The following TWSG1 variants were observed in gnomAD, a reference collection of about 807,000 sequenced individuals.
TWSG1 encodes twisted gastrulation protein homolog 1.
Under a neutral mutation model 23.0 loss-of-function variants are expected in TWSG1, and 15 were observed. The ratio of observed to expected loss-of-function variants is 0.65; its 90% CI spans 0.44 to 1.00. TWSG1 has a LOEUF of 1.00. Ranked by LOEUF, TWSG1 falls within the 50% of genes least tolerant of loss-of-function variation. The pLI is 0.00. For missense variants in TWSG1, 242 were observed against 278.7 expected (o/e 0.87, Z 0.94); for synonymous variants, 86 against 92.8 (o/e 0.93, Z 0.42).
intron 2 of TWSG1, among the ~76,000 whole-genome samples, chr18:9,350,822 T>G (rs567764875): frequency 6.6e-6 from 1 of 152,308 alleles, no homozygotes; most frequent in African/African-American, 2.4e-5. Flanking sequence ...GGTTTGAAGA[T>G]TCATGTGATG....
intron 3 of TWSG1, among the ~76,000 whole-genome samples, chr18:9,371,356 G>A (rs1303109969): frequency 6.6e-6 from 1 of 150,956 alleles, no homozygotes; most frequent in Non-Finnish European, 1.5e-5. Context: ...GAGTGCAATG[G>A]TGTGATCTTG....
chr18:9,355,583 A>T (rs756024874), intron 2 of TWSG1, among the ~76,000 whole-genome samples: 1 of 152,206 alleles, frequency 6.6e-6, no homozygotes, highest in Non-Finnish European at 1.5e-5. Flanking sequence ...TAAAACTGCT[A>T]TTTATAATTA....
At chr18:9,372,117 G>A (rs771704735) in intron 3 of TWSG1, among the ~76,000 whole-genome samples, 1 of 150,210 alleles carries the variant, frequency 6.7e-6, no homozygotes, top group Non-Finnish European at 1.5e-5. Flanking sequence ...CAAAATAATA[G>A]CAACAATGTA....
rs191836746 is a variant in TWSG1 at position 9,370,046 on chromosome 18, G to A, written c.223+9975G>A. ...CCAAAGAATCATTGTCCAGCCAGGC[G>A]CAGTGGTTCACACCTGTAATACCAG... On this transcript the variant is annotated intron_variant, in intron 3 of 4. Coordinates refer to ENST00000262120, the MANE Select transcript of TWSG1 (RefSeq NM_020648.6). 1.6e-3 allele frequency among the ~76,000 whole-genome samples: 249 copies of A among 152,194 alleles called. 2 individuals carry two copies. The highest frequency in any genetic ancestry group is 5.2e-3 in the African/African-American group (217 of 41,526).
At chr18:9,365,498 C>T (rs2040574036) in intron 3 of TWSG1, among the ~76,000 whole-genome samples, 1 of 151,842 alleles carries the variant, frequency 6.6e-6, no homozygotes, top group South Asian at 2.1e-4. Context: ...AAAACCCCGT[C>T]TCTACAAAAA....
chr18:9,356,970 C>T (rs1217565069), intron 2 of TWSG1, among the ~76,000 whole-genome samples: 2 of 71,136 alleles, frequency 2.8e-5, no homozygotes, highest in South Asian at 5.4e-4. Flanking sequence ...CTTTATAAAT[C>T]TAAAAAAAAA....
chr18:9,343,598 A>G (rs2040457947), intron 2 of TWSG1, among the ~76,000 whole-genome samples: 1 of 152,080 alleles, frequency 6.6e-6, no homozygotes, highest in African/African-American at 2.4e-5. Context: ...CTCTCCCCAC[A>G]AACCCTAGGC....
At chr18:9,381,027 G>A (rs1466448888) in intron 3 of TWSG1, among the ~76,000 whole-genome samples, 1 of 152,118 alleles carries the variant, frequency 6.6e-6, no homozygotes, top group African/African-American at 2.4e-5. Flanking sequence ...TTCAGAAAAA[G>A]ACAATTATAA....
At position 9,337,243 on chromosome 18, in the gene TWSG1, A is replaced by G. The variant is rs1427676614; in HGVS notation, c.14A>G (p.Tyr5Cys). The change falls in exon 2 of 5, where the codon TAT (tyrosine) becomes TGT (cysteine). Residue 5 changes from tyrosine (Y) to cysteine (C), a missense_variant. Coordinates refer to ENST00000262120, the MANE Select transcript of TWSG1 (RefSeq NM_020648.6). MKLH[Y>C]VAVLTLAILM... is the part of the protein sequence containing the mutation. ...CTTTGAAGAAACATGAAGTTACACT[A>G]TGTTGCTGTGCTTACTCTAGCCATC... is the stretch of plus-strand genomic sequence containing the variant. 5.0e-6 allele frequency: 8 copies of G among 1,612,078 alleles called. No individual in the cohort carries two copies. Among genetic ancestry groups the G allele is most frequent in the Non-Finnish European group, 6.8e-6 (8 of 1,179,978 alleles).
chr18:9,354,007 G>C (rs1260705880), intron 2 of TWSG1, among the ~76,000 whole-genome samples: 1 of 152,094 alleles, frequency 6.6e-6, no homozygotes, highest in African/African-American at 2.4e-5. Context: ...TAATGCCTTT[G>C]ATTAAACAAT....
At chr18:9,347,457 G>A (rs950576526) in intron 2 of TWSG1, among the ~76,000 whole-genome samples, 3 of 152,122 alleles carry the variant, frequency 2.0e-5, no homozygotes, top group Non-Finnish European at 4.4e-5. Context: ...GCAGTATTAT[G>A]TCTTTGTTTC....
intron 4 of TWSG1, among the ~76,000 whole-genome samples, chr18:9,397,840 A>G (rs2040743970): frequency 6.6e-6 from 1 of 152,090 alleles, no homozygotes; most frequent in Admixed American, 6.6e-5. Flanking sequence ...CCTCGTCTCT[A>G]CTAGAAATAC....
At chr18:9,359,891 G>A in intron 2 of TWSG1, 81 bp from the exon 3 acceptor site, 1 of 1,023,788 alleles carries the variant, frequency 9.8e-7, no homozygotes, top group Non-Finnish European at 1.5e-6. Context: ...ATGCAAATAT[G>A]GCAGGGTTTT....
intron 2 of TWSG1, 115 bp downstream of exon 2, chr18:9,337,467 CAG>C: frequency 9.5e-7 from 1 of 1,049,894 alleles, no homozygotes; most frequent in Non-Finnish European, 1.3e-6. Flanking sequence ...AGTATTGGGT[CAG>C]GGCCTGAGGT....
chr18:9,341,998 T>G (rs1454689720), intron 2 of TWSG1, among the ~76,000 whole-genome samples: 2 of 152,160 alleles, frequency 1.3e-5, no homozygotes, highest in African/African-American at 4.8e-5. Flanking sequence ...GCCCTTGAAA[T>G]TTTCTACTTT....
intron 2 of TWSG1, among the ~76,000 whole-genome samples, chr18:9,349,678 A>G (rs1291957768): frequency 2.6e-5 from 4 of 152,062 alleles, no homozygotes; most frequent in South Asian, 2.1e-4. Context: ...TTTTTTTCTT[A>G]ATCAGTGCAA....
At chr18:9,395,563 G>T (rs1212812489) in intron 3 of TWSG1, among the ~76,000 whole-genome samples, 1 of 151,958 alleles carries the variant, frequency 6.6e-6, no homozygotes, top group Non-Finnish European at 1.5e-5. Context: ...TTACAAGATG[G>T]TAATCCATGT....
Position 9,399,646 on chromosome 18 carries a change from G to A in TWSG1, c.*119G>A. On this transcript the variant is annotated 3_prime_UTR_variant, in exon 5 of 5. Transcript: ENST00000262120. The stretch of plus-strand genomic sequence containing the variant: ...AGTAAGTTAAGTTGTAAAGACTTTG[G>A]AATAAGTTTCTTTTAAAAATATGAC... 2.2e-6 allele frequency: 2 copies of A among 898,624 alleles called. No individual in the cohort carries two copies. Among genetic ancestry groups the A allele is most frequent in the Non-Finnish European group, 3.2e-6 (2 of 619,632 alleles). 55.7% of individuals were successfully genotyped at this position (898,624 alleles called of 1,614,324 possible).
At chr18:9,349,371 T>A (rs1316629228) in intron 2 of TWSG1, among the ~76,000 whole-genome samples, 1 of 152,196 alleles carries the variant, frequency 6.6e-6, no homozygotes. Flanking sequence ...TTGTATTTCA[T>A]GAAAATATTC....
Sources: gnomAD v4.1 joint callset for allele counts (sites outside exome capture counted in the v4.1 genomes callset) on GRCh38, gnomAD v4.1.1 for gene constraint, MANE v1.5 for transcripts, NCBI Gene and HGNC (gene_info 2026-07-23, HGNC 2026-07-21) for gene names.